Variants in ADAMTS17 observed in about 807,000 individuals in gnomAD.
ADAMTS17 encodes A disintegrin and metalloproteinase with thrombospondin motifs 17.
A neutral mutation model predicts 141.5 loss-of-function variants in ADAMTS17; 113 were observed. The ratio of observed to expected loss-of-function variants is 0.80; its 90% CI spans 0.69 to 0.93. The LOEUF (loss-of-function observed/expected upper bound fraction) is 0.93. Among genes scored for constraint, ADAMTS17 ranks in the 40% least tolerant of loss-of-function variants. The pLI, the probability that ADAMTS17 is intolerant of heterozygous loss-of-function variation, is 0.00. For synonymous variants in ADAMTS17, 768 were observed against 630.6 expected, an observed-to-expected ratio of 1.22 and a Z score of -3.27; for missense variants, 1,659 against 1,517.9, an observed-to-expected ratio of 1.09 and a Z score of -1.54.
chr15:100,281,456 A>G lies in ADAMTS17; in HGVS notation c.617-55T>C, dbSNP rs879044905. 5 of 1,574,094 alleles carry G rather than the reference A, an allele frequency of 3.2e-6. No homozygotes were observed. The South Asian group carries it at 5.7e-5, about 18-fold the overall frequency. On this transcript the variant is annotated intron_variant, in intron 3 of 21. Coordinates refer to ENST00000268070, the MANE Select transcript of ADAMTS17 (RefSeq NM_139057.4). ...CCTTGGCTTACTGACTTCCAAAACC[A>G]TGCAGTGAACAGGCCTTCTGTCAAG...
At chr15:100,173,400 G>A (rs555305537) in intron 8 of ADAMTS17, among the ~76,000 whole-genome samples, 1 of 152,188 alleles carries the variant, frequency 6.6e-6, no homozygotes, top group Admixed American at 6.5e-5. Flanking sequence ...GCCTGCTAGA[G>A]TTTCTGGACA....
intron 18 of ADAMTS17, among the ~76,000 whole-genome samples, chr15:100,026,932 A>G (rs2141469848): frequency 6.6e-6 from 1 of 152,340 alleles, no homozygotes; most frequent in African/African-American, 2.4e-5. Flanking sequence ...GAGATTGCCA[A>G]TGGCTCCACG....
intron 18 of ADAMTS17, among the ~76,000 whole-genome samples, chr15:100,023,352 C>T (rs903939604): frequency 2.0e-5 from 3 of 151,880 alleles, no homozygotes; most frequent in Admixed American, 2.0e-4. Flanking sequence ...CAGGTGCCTG[C>T]CACCACGCAG....
chr15:100,332,315 T>C (rs2046077623), intron 2 of ADAMTS17, among the ~76,000 whole-genome samples: 1 of 152,236 alleles, frequency 6.6e-6, no homozygotes, highest in South Asian at 2.1e-4. Context: ...CACAGTGGGA[T>C]CTGCAGAGCT....
intron 10 of ADAMTS17, among the ~76,000 whole-genome samples, chr15:100,142,821 C>T (rs1326768688): frequency 6.6e-6 from 1 of 152,174 alleles, no homozygotes; most frequent in African/African-American, 2.4e-5. Flanking sequence ...CCTTCCAATG[C>T]CTATAACCAG....
intron 15 of ADAMTS17, among the ~76,000 whole-genome samples, chr15:100,056,337 A>T (rs2032562338): frequency 1.3e-5 from 2 of 151,394 alleles, no homozygotes; most frequent in African/African-American, 4.9e-5. Flanking sequence ...GATAGAAAAA[A>T]CCAAGGGGCC....
chr15:100,097,018 G>A (rs2035802012), intron 14 of ADAMTS17, among the ~76,000 whole-genome samples: 3 of 152,156 alleles, frequency 2.0e-5, no homozygotes, highest in South Asian at 2.1e-4. Flanking sequence ...TTCTCAGGTA[G>A]GAAGACCTAG....
At chr15:100,003,079 C>A (rs1220889691) in intron 18 of ADAMTS17, among the ~76,000 whole-genome samples, 1 of 152,054 alleles carries the variant, frequency 6.6e-6, no homozygotes, top group Non-Finnish European at 1.5e-5. Context: ...TGTCCTGGGG[C>A]CCCTGGAATT....
intron 3 of ADAMTS17, chr15:100,306,584 A>G: frequency 2.2e-6 from 1 of 456,046 alleles, no homozygotes; most frequent in Non-Finnish European, 4.4e-6. Context: ...GGAACTGAGA[A>G]AAGCTATGTC....
At chr15:100,164,662 G>T (rs1027847489) in intron 8 of ADAMTS17, among the ~76,000 whole-genome samples, 5 of 152,188 alleles carry the variant, frequency 3.3e-5, no homozygotes, top group African/African-American at 1.2e-4. Context: ...GGCCTAAGGA[G>T]GGAAGTCATA....
At chr15:100,153,008 T>C (rs1051578306) in intron 9 of ADAMTS17, among the ~76,000 whole-genome samples, 8 of 33,300 alleles carry the variant, frequency 2.4e-4, no homozygotes, top group African/African-American at 5.0e-4. Flanking sequence ...GGGAGGGGCA[T>C]AGGAACGACA....
intron 7 of ADAMTS17, among the ~76,000 whole-genome samples, chr15:100,243,000 T>A (rs1402664370): frequency 6.6e-6 from 1 of 152,236 alleles, no homozygotes; most frequent in Non-Finnish European, 1.5e-5. Context: ...GTTCCTCAGC[T>A]CCTGGCAACT....
intron 8 of ADAMTS17, among the ~76,000 whole-genome samples, chr15:100,173,380 C>A (rs1162817085): frequency 6.6e-6 from 1 of 152,102 alleles, no homozygotes; most frequent in Non-Finnish European, 1.5e-5. Context: ...CGATTTACAA[C>A]CCAAAGTATG....
intron 15 of ADAMTS17, among the ~76,000 whole-genome samples, chr15:100,061,144 C>T (rs989701108): frequency 3.9e-5 from 6 of 152,184 alleles, no homozygotes; most frequent in South Asian, 2.1e-4. Flanking sequence ...GTGCATACAA[C>T]GTAGTGGCAA....
chr15:99,978,959 G>A (rs2141277039), intron 20 of ADAMTS17: 1 of 152,332 alleles, frequency 6.6e-6, no homozygotes, highest in Admixed American at 6.5e-5. Flanking sequence ...TTTTCTTCCT[G>A]TTAAGGAGTA....
chr15:100,273,984 T>C (rs567855950), intron 4 of ADAMTS17, among the ~76,000 whole-genome samples: 1 of 152,316 alleles, frequency 6.6e-6, no homozygotes, highest in East Asian at 1.9e-4. Context: ...AATTTGTGAA[T>C]TTTCCAGTTT....
At chr15:100,053,839 C>G in intron 16 of ADAMTS17, 58 bp downstream of exon 16, 1 of 1,613,630 alleles carries the variant, frequency 6.2e-7, no homozygotes, top group African/African-American at 1.3e-5. Flanking sequence ...GGAAAGTAAC[C>G]TAGTAGACCT....
rs761162539 is a variant in ADAMTS17, at chr15:99,992,997, C to T, written c.2949+51G>A. 4.8e-5 allele frequency: 78 copies of T among 1,611,502 alleles called. 1 individual carries two copies. The highest frequency in any genetic ancestry group is 2.0e-4 in the East Asian group (9 of 44,844). On this transcript the variant is annotated intron_variant, in intron 20 of 21. Coordinates refer to ENST00000268070, the MANE Select transcript of ADAMTS17 (RefSeq NM_139057.4). ...TCACAAGAGCTGAGTTCCCGACCCT[C>T]GAGCCCCCTGCACTGCGGCACGGAG...
At chr15:100,207,088 G>C (rs12440760) in intron 7 of ADAMTS17, among the ~76,000 whole-genome samples, 2,506 of 152,278 alleles carry the variant, frequency 0.016, 162 homozygotes, top group East Asian at 0.16. Context: ...ACTGTATTTG[G>C]AGACAGGGCC....
Sources: gnomAD v4.1 joint callset for allele counts (sites outside exome capture counted in the v4.1 genomes callset) on GRCh38, gnomAD v4.1.1 for gene constraint, MANE v1.5 for transcripts, NCBI Gene and HGNC (gene_info 2026-07-23, HGNC 2026-07-21) for gene names.